Variants in FBXO31 observed in about 807,000 individuals in gnomAD.
FBXO31 encodes the protein F-box only protein 31.
In FBXO31, 24 loss-of-function variants were observed where a neutral mutation model predicts 54.4. The observed-to-expected ratio is 0.44, with a 90% CI of 0.32 to 0.62. FBXO31 has a LOEUF of 0.62. Ranked by LOEUF, FBXO31 falls within the 20% of genes least tolerant of loss-of-function variation. The pLI, the probability that FBXO31 is intolerant of heterozygous loss-of-function variation, is 0.05. For missense variants in FBXO31, 665 were observed against 787.1 expected, an observed-to-expected ratio of 0.84 and a Z score of 1.86; for synonymous variants, 388 against 335.6, an observed-to-expected ratio of 1.16 and a Z score of -1.71.
intron 3 of FBXO31, among the ~76,000 whole-genome samples, chr16:87,344,642 T>G (rs957459920): frequency 4.8e-5 from 7 of 144,704 alleles, no homozygotes; most frequent in Non-Finnish European, 1.1e-4. Flanking sequence ...TTTTTTGGGG[T>G]TTTTTTTTTT....
upstream of FBXO31, among the ~76,000 whole-genome samples, chr16:87,390,705 G>C (rs1226239453): frequency 6.6e-6 from 1 of 152,110 alleles, no homozygotes; most frequent in Non-Finnish European, 1.5e-5. Context: ...CTCCCAAAGT[G>C]CTGGAATTAC....
At chr16:87,332,925 G>A (rs771621541) in intron 8 of FBXO31, among the ~76,000 whole-genome samples, 1 of 152,200 alleles carries the variant, frequency 6.6e-6, no homozygotes, top group Non-Finnish European at 1.5e-5. Flanking sequence ...CAGCCCCCAA[G>A]GCCACTGTCC....
chr16:87,333,268 A>G (rs1370529625), intron 8 of FBXO31, among the ~76,000 whole-genome samples: 2 of 152,242 alleles, frequency 1.3e-5, no homozygotes, highest in Non-Finnish European at 2.9e-5. Context: ...TGGCAGCGGC[A>G]ATGCCAGCCC....
chr16:87,345,447 C>T lies in FBXO31; in HGVS notation c.490-1682G>A, dbSNP rs1905345402. Among the ~76,000 whole-genome samples, 1 of 152,222 alleles carries T rather than the reference C, an allele frequency of 6.6e-6. No individual in the cohort carries two copies. Among genetic ancestry groups the T allele is most frequent in the Admixed American group, 6.5e-5 (1 of 15,290 alleles). On this transcript the variant is annotated intron_variant, in intron 3 of 8. Transcript: ENST00000311635. The surrounding 1 kb of genome is among the most constrained non-coding windows in gnomAD (Gnocchi z 4.9). ...CCCGCAGAGCACCACCTCCTCACCC[C>T]ACAGGGACACCTGCAAATACCAAGA... is the stretch of plus-strand genomic sequence containing the variant.
In FBXO31 at chr16:87,346,257, G is replaced by A. The variant is rs950697305; in HGVS notation, c.489+917C>T. Among the ~76,000 whole-genome samples the A allele has an allele frequency of 2.6e-5, 4 of 151,928 alleles. No homozygotes were observed. The highest frequency in any genetic ancestry group is 4.4e-5 in the Non-Finnish European group (3 of 67,962). On this transcript the variant is annotated intron_variant, in intron 3 of 8. Coordinates refer to ENST00000311635, the MANE Select transcript of FBXO31 (RefSeq NM_024735.5). The surrounding 1 kb of genome is among the most constrained non-coding windows in gnomAD (Gnocchi z 4.2). ...CCTGACTCCACTTTGCCCGCAGGCC[G>A]GGGCCAGGGCCTCTTGAGGAGACCA...
intron 1 of FBXO31, among the ~76,000 whole-genome samples, chr16:87,375,625 G>T (rs1259169791): frequency 6.6e-6 from 1 of 152,200 alleles, no homozygotes; most frequent in Non-Finnish European, 1.5e-5. Flanking sequence ...GCCAGCTCCT[G>T]CCCCAGCACC....
chr16:87,384,401 G>A (rs1221593176), upstream of FBXO31, among the ~76,000 whole-genome samples: 2 of 152,192 alleles, frequency 1.3e-5, no homozygotes, highest in South Asian at 2.1e-4. Context: ...GGAGGGCTTG[G>A]AGGGGCGGCG....
chr16:87,372,956 A>G (rs1453328385), intron 1 of FBXO31, among the ~76,000 whole-genome samples: 1 of 150,972 alleles, frequency 6.6e-6, no homozygotes, highest in East Asian at 2.0e-4. Context: ...GCTGGTCTCG[A>G]AATACTGACC....
At position 87,345,415 on chromosome 16, in the gene FBXO31, C is replaced by T. The variant is rs1439702357; in HGVS notation, c.490-1650G>A. The stretch of plus-strand genomic sequence containing the variant: ...AGACTCCATGCAGACACTGGCACCA[C>T]GCAGAGCCCGCAGAGCACCACCTCC... On this transcript the variant is annotated intron_variant, in intron 3 of 8. Coordinates refer to ENST00000311635, the MANE Select transcript of FBXO31 (RefSeq NM_024735.5). The surrounding 1 kb of genome is among the most constrained non-coding windows in gnomAD (Gnocchi z 4.9). Among the ~76,000 whole-genome samples the T allele has an allele frequency of 7.9e-5, 12 of 152,132 alleles. No homozygotes were observed. Among genetic ancestry groups the T allele is most frequent in the African/African-American group, 9.7e-5 (4 of 41,428 alleles).
chr16:87,364,377 C>T (rs147310406), intron 1 of FBXO31, among the ~76,000 whole-genome samples: 34 of 152,350 alleles, frequency 2.2e-4, no homozygotes, highest in African/African-American at 7.9e-4. Context: ...GCTGCAGCAG[C>T]CAGCAGGCCC....
At position 87,331,425 on chromosome 16, in the gene FBXO31, G is replaced by A. The variant is rs774788388; in HGVS notation, c.1483C>T (p.Arg495Cys). The A allele has an allele frequency of 2.5e-6, 4 of 1,613,780 alleles. No homozygotes were observed. Among genetic ancestry groups the A allele is most frequent in the Non-Finnish European group, 3.4e-6 (4 of 1,179,984 alleles). The change falls in exon 9 of 9, where the codon CGC (arginine) becomes TGC (cysteine). Residue 495 changes from arginine (R) to cysteine (C), a missense_variant. Physicochemically the swap from Arg to Cys is radical, Grantham distance 180. Transcript: ENST00000311635. Reference sequence around the variant, plus strand: ...AGCTCCAGCCAGACGAACCCGAAGCGGTCCTCATCGAAGAGGATGAAGACC... The same window carrying A: ...AGCTCCAGCCAGACGAACCCGAAGCAGTCCTCATCGAAGAGGATGAAGACC... ...PGVFILFDEDRFGFVWLELKS... is the reference protein window; with the variant it reads ...PGVFILFDEDCFGFVWLELKS...
At chr16:87,350,689 T>C (rs1426148637) in intron 2 of FBXO31, among the ~76,000 whole-genome samples, 1 of 152,010 alleles carries the variant, frequency 6.6e-6, no homozygotes, top group Non-Finnish European at 1.5e-5. Context: ...CCAACTTTTC[T>C]GTTTTCAAAA....
intron 1 of FBXO31, among the ~76,000 whole-genome samples, chr16:87,380,745 C>T (rs1366920944): frequency 6.6e-6 from 1 of 152,144 alleles, no homozygotes; most frequent in East Asian, 1.9e-4. Context: ...GTCTGGTGTC[C>T]CAGGACAGCT....
rs1905038043 is a variant in FBXO31 at position 87,336,063 on chromosome 16, A to C, written c.842+92T>G. The C allele has an allele frequency of 1.9e-6, 2 of 1,034,524 alleles. No homozygotes were observed. The highest frequency in any genetic ancestry group is 2.9e-6 in the Non-Finnish European group (2 of 692,666). The allele number at this position is 1,034,524 out of a possible 1,614,324, so 64.1% of individuals were successfully genotyped here. A position where few individuals can be genotyped will look rare whatever the true frequency, so the allele number is the denominator to read the frequency against. On this transcript the variant is annotated intron_variant, in intron 6 of 8. Coordinates refer to ENST00000311635, the MANE Select transcript of FBXO31 (RefSeq NM_024735.5). The surrounding 1 kb of genome is among the most constrained non-coding windows in gnomAD (Gnocchi z 6.5). ...TGAACCCCAGCACCCACTGAGACAA[A>C]GGACTATGCCCCAGCACCCACCGGG...
rs1472020441 is a variant in FBXO31, at chr16:87,336,065, G to C, written c.842+90C>G. ...AACCCCAGCACCCACTGAGACAAAG[G>C]ACTATGCCCCAGCACCCACCGGGAC... On this transcript the variant is annotated intron_variant, in intron 6 of 8. Transcript: ENST00000311635. This position sits in a 1 kb window ranked among gnomAD's most constrained non-coding sequence, Gnocchi z 6.5. The C allele has an allele frequency of 6.6e-6, 7 of 1,064,324 alleles. No homozygotes were observed. The allele number at this position is 1,064,324 out of a possible 1,614,324, so 65.9% of individuals were successfully genotyped here. A position where few individuals can be genotyped will look rare whatever the true frequency, so the allele number is the denominator to read the frequency against.
At position 87,383,289 on chromosome 16, in the gene FBXO31, C is replaced by G; in HGVS notation, c.340+116G>C. On this transcript the variant is annotated intron_variant, in intron 1 of 8. Coordinates refer to ENST00000311635, the MANE Select transcript of FBXO31 (RefSeq NM_024735.5). The surrounding 1 kb of genome is among the most constrained non-coding windows in gnomAD (Gnocchi z 4.9). ...CCCAAAACACCACATCGCCGGGCCCCGCGCCCAACTGGTGGCCCCCGGCCG... is the reference window on the plus strand; with the variant it reads ...CCCAAAACACCACATCGCCGGGCCCGGCGCCCAACTGGTGGCCCCCGGCCG... 1.0e-6 allele frequency: 1 copy of G among 999,202 alleles called. No homozygotes were observed. The highest frequency in any genetic ancestry group is 1.4e-6 in the Non-Finnish European group (1 of 719,856). 61.9% of individuals were successfully genotyped at this position (999,202 alleles called of 1,614,324 possible). A position where few individuals can be genotyped will look rare whatever the true frequency, so the allele number is the denominator to read the frequency against.
chr16:87,331,036 TG>T lies in FBXO31; in HGVS notation c.*251del, dbSNP rs1343862740. 2.1e-6 allele frequency: 1 copy of T among 469,640 alleles called. No homozygotes were observed. Among genetic ancestry groups the T allele is most frequent in the Non-Finnish European group, 3.9e-6 (1 of 257,782 alleles). The allele number at this position is 469,640 out of a possible 1,614,324, so 29.1% of individuals were successfully genotyped here. A position where few individuals can be genotyped will look rare whatever the true frequency, so the allele number is the denominator to read the frequency against. ...CGGTCCCACGGCTGTCCCCTACATC[TG>T]CTGTATTCAGGCTCGTTCTCTCTGT... On this transcript the variant is annotated 3_prime_UTR_variant, in exon 9 of 9. Transcript: ENST00000311635.
intron 2 of FBXO31, among the ~76,000 whole-genome samples, chr16:87,357,117 C>G (rs112896525): frequency 0.019 from 2,953 of 152,062 alleles, 104 homozygotes; most frequent in African/African-American, 0.065. Flanking sequence ...TGGTGGCACA[C>G]GCCTCTAGTC....
chr16:87,352,977 C>G (rs956230040), intron 2 of FBXO31, among the ~76,000 whole-genome samples: 1 of 152,172 alleles, frequency 6.6e-6, no homozygotes, highest in South Asian at 2.1e-4. Flanking sequence ...AGGAGACCGG[C>G]GGGGATGGAG....
Sources: gnomAD v4.1 joint callset for allele counts (sites outside exome capture counted in the v4.1 genomes callset) on GRCh38, gnomAD v4.1.1 for gene constraint, Gnocchi (gnomAD v3.1) non-coding constraint, MANE v1.5 for transcripts, NCBI Gene and HGNC (gene_info 2026-07-23, HGNC 2026-07-21) for gene names.